CTNNA3: variants seen among roughly 807,000 people sequenced by gnomAD.
The protein encoded by CTNNA3 is catenin alpha 3.
A neutral mutation model predicts 95.7 loss-of-function variants in CTNNA3; 76 were observed. The ratio of observed to expected loss-of-function variants is 0.79; its 90% CI spans 0.66 to 0.96. CTNNA3 has a LOEUF of 0.96. Among genes scored for constraint, CTNNA3 ranks in the 40% least tolerant of loss-of-function variants. The pLI is 0.00. For synonymous variants in CTNNA3, 431 were observed against 374.4 expected (o/e 1.15, Z -1.74); for missense variants, 1,191 against 1,089.8 (o/e 1.09, Z -1.31).
At chr10:67,254,897 G>C (rs959801524) in intron 5 of CTNNA3, among the ~76,000 whole-genome samples, 1 of 152,200 alleles carries the variant, frequency 6.6e-6, no homozygotes, top group African/African-American at 2.4e-5. Context: ...TTTCTCACAA[G>C]TATCTACATT....
chr10:66,793,846 C>A (rs561867509), intron 7 of CTNNA3, among the ~76,000 whole-genome samples: 1 of 152,164 alleles, frequency 6.6e-6, no homozygotes, highest in East Asian at 1.9e-4. Flanking sequence ...ACATAAAGAA[C>A]AATTCTATTT....
At chr10:66,498,056 T>A (rs954243380) in intron 11 of CTNNA3, among the ~76,000 whole-genome samples, 4 of 152,142 alleles carry the variant, frequency 2.6e-5, no homozygotes, top group Admixed American at 1.3e-4. Flanking sequence ...AGATTTTTTT[T>A]AAGTAGAAAT....
intron 15 of CTNNA3, among the ~76,000 whole-genome samples, chr10:66,007,210 C>T (rs987969563): frequency 1.3e-5 from 2 of 152,156 alleles, no homozygotes; most frequent in South Asian, 2.1e-4. Context: ...TATTGAATTA[C>T]GATATTGTGC....
chr10:67,349,607 A>C (rs1842557990), intron 5 of CTNNA3, among the ~76,000 whole-genome samples: 1 of 152,202 alleles, frequency 6.6e-6, no homozygotes, highest in African/African-American at 2.4e-5. Context: ...AATCAAGATA[A>C]ATAAGTTCTA....
intron 11 of CTNNA3, among the ~76,000 whole-genome samples, chr10:66,506,281 T>C (rs1035371943): frequency 6.6e-6 from 1 of 152,054 alleles, no homozygotes; most frequent in African/African-American, 2.4e-5. Flanking sequence ...TTTGGAGGGG[T>C]TGAATGTCCA....
chr10:66,865,145 T>C (rs751580753), intron 7 of CTNNA3, among the ~76,000 whole-genome samples: 75 of 152,084 alleles, frequency 4.9e-4, no homozygotes, highest in Non-Finnish European at 9.4e-4. Flanking sequence ...AAGTAGATTG[T>C]TAATGTTCTT....
chr10:67,739,780 C>T (rs557285535), intron 1 of CTNNA3, among the ~76,000 whole-genome samples: 1 of 152,324 alleles, frequency 6.6e-6, no homozygotes, highest in East Asian at 1.9e-4. Flanking sequence ...CTGCCAATGA[C>T]TTTCCTCAAA....
intron 12 of CTNNA3, among the ~76,000 whole-genome samples, chr10:66,359,302 T>C (rs148590314): frequency 3.1e-4 from 47 of 152,252 alleles, no homozygotes; most frequent in African/African-American, 1.1e-3. Context: ...GATTGAAGTC[T>C]ACTGTTTTCT....
At chr10:67,661,373 A>T (rs906618607) in intron 1 of CTNNA3, among the ~76,000 whole-genome samples, 3 of 152,064 alleles carry the variant, frequency 2.0e-5, no homozygotes, top group Non-Finnish European at 2.9e-5. Context: ...GCAGGGAGGG[A>T]ATGTTGGCCC....
chr10:66,762,298 G>A (rs1293265296), intron 9 of CTNNA3, among the ~76,000 whole-genome samples: 1 of 152,058 alleles, frequency 6.6e-6, no homozygotes, highest in African/African-American at 2.4e-5. Context: ...TAATCACTAT[G>A]TGAAGATGAC....
intron 9 of CTNNA3, among the ~76,000 whole-genome samples, chr10:66,685,197 A>G: frequency 1.9e-5 from 1 of 51,610 alleles, no homozygotes; most frequent in Middle Eastern, 9.4e-3. Context: ...ATACGTGTAT[A>G]TATATATACG....
At chr10:66,690,474 C>G (rs1320352165) in intron 9 of CTNNA3, among the ~76,000 whole-genome samples, 1 of 151,170 alleles carries the variant, frequency 6.6e-6, no homozygotes, top group South Asian at 2.1e-4. Flanking sequence ...ATCCCTCCCC[C>G]GTCCCCCCAC....
At position 67,538,416 on chromosome 10, in the gene CTNNA3, A is replaced by G. The variant is rs576695875; in HGVS notation, c.459+1087T>C. ...TAGTGAAACCCCCGTCTCTACTAAA[A>G]ATAAATAATACAAAAAATTAGCCAG... On this transcript the variant is annotated intron_variant, in intron 4 of 17. Transcript: ENST00000433211. Among the ~76,000 whole-genome samples, 3 of 151,750 alleles carry G rather than the reference A, an allele frequency of 2.0e-5. No homozygotes were observed. In the South Asian group the frequency reaches 6.2e-4, roughly 32 times the overall value.
At chr10:66,448,595 C>T (rs2093440848) in intron 11 of CTNNA3, among the ~76,000 whole-genome samples, 2 of 150,510 alleles carry the variant, frequency 1.3e-5, no homozygotes, top group South Asian at 4.2e-4. Context: ...CCAAACACTG[C>T]ATGTTCTCAC....
intron 12 of CTNNA3, among the ~76,000 whole-genome samples, chr10:66,317,530 G>T (rs967037822): frequency 1.3e-5 from 2 of 151,826 alleles, no homozygotes; most frequent in South Asian, 4.1e-4. Flanking sequence ...AAGATTAGCT[G>T]GACGTGGTGG....
At chr10:66,182,213 A>G (rs576890544) in intron 13 of CTNNA3, among the ~76,000 whole-genome samples, 3 of 151,310 alleles carry the variant, frequency 2.0e-5, no homozygotes, top group East Asian at 3.9e-4. Flanking sequence ...ATGATCTCCA[A>G]TTTAAGGTAA....
At chr10:67,503,743 T>C (rs1839306350) in intron 5 of CTNNA3, among the ~76,000 whole-genome samples, 1 of 152,226 alleles carries the variant, frequency 6.6e-6, no homozygotes, top group South Asian at 2.1e-4. Flanking sequence ...TTCTCAACTT[T>C]AGTCTTCTCT....
intron 2 of CTNNA3, among the ~76,000 whole-genome samples, chr10:67,628,772 A>G (rs1032088701): frequency 1.2e-4 from 19 of 152,018 alleles, no homozygotes; most frequent in African/African-American, 4.4e-4. Context: ...GTAGGCCACA[A>G]AAAAAAGACC....
chr10:66,286,836 G>A (rs1000218752), intron 12 of CTNNA3, among the ~76,000 whole-genome samples: 2 of 152,004 alleles, frequency 1.3e-5, no homozygotes, highest in African/African-American at 4.8e-5. Flanking sequence ...TTATGTGTCA[G>A]AGTAGAACCA....
Sources: allele counts gnomAD v4.1 joint callset (sites outside exome capture counted in the v4.1 genomes callset), GRCh38; gene constraint gnomAD v4.1.1; transcripts MANE v1.5; gene names NCBI Gene and HGNC (gene_info 2026-07-23, HGNC 2026-07-21).